Variants in MLLT3 observed in about 807,000 individuals in gnomAD.
MLLT3 encodes MLLT3 super elongation complex subunit.
MLLT3 carries 4 observed loss-of-function variants against 53.2 expected under a neutral mutation model. The ratio of observed to expected loss-of-function variants is 0.08; its 90% CI spans 0.04 to 0.17. The LOEUF (loss-of-function observed/expected upper bound fraction) is 0.17, where lower values mean the gene tolerates loss of function less well. MLLT3 is among the 10% of genes least tolerant of loss of function. The probability of loss-of-function intolerance (pLI) is 1.00; values close to 1 mark genes in which losing one functional copy is unlikely to be tolerated. For missense variants in MLLT3, 569 were observed against 684.0 expected (o/e 0.83, Z 1.87); for synonymous variants, 283 against 230.6 (o/e 1.23, Z -2.06).
intron 4 of MLLT3, among the ~76,000 whole-genome samples, chr9:20,422,464 A>T (rs977879669): frequency 6.6e-6 from 1 of 152,238 alleles, no homozygotes; most frequent in Non-Finnish European, 1.5e-5. Context: ...GATCTGTAAA[A>T]TAACCAATAT....
chr9:20,413,045 A>T (rs569799285), intron 5 of MLLT3, among the ~76,000 whole-genome samples: 1 of 152,176 alleles, frequency 6.6e-6, no homozygotes, highest in Non-Finnish European at 1.5e-5. Flanking sequence ...ATTAGCAAAA[A>T]CTTGTAGTGA....
chr9:20,384,361 C>G (rs1380944238), intron 5 of MLLT3, among the ~76,000 whole-genome samples: 1 of 152,014 alleles, frequency 6.6e-6, no homozygotes, highest in Non-Finnish European at 1.5e-5. Context: ...AGCGTCTGGT[C>G]ATGTGGTATA....
intron 2 of MLLT3, among the ~76,000 whole-genome samples, chr9:20,539,981 G>T (rs1358597338): frequency 6.6e-6 from 1 of 152,146 alleles, no homozygotes; most frequent in Non-Finnish European, 1.5e-5. Flanking sequence ...ATTCCAAAAG[G>T]GAAAAAGTGC....
chr9:20,346,066 T>C lies in MLLT3; in HGVS notation c.*377A>G, dbSNP rs1457640744. On this transcript the variant is annotated 3_prime_UTR_variant, in exon 11 of 11. Coordinates refer to ENST00000380338, the MANE Select transcript of MLLT3 (RefSeq NM_004529.4). ...ATCAGTTATGTAATAAGGCAGTGTG[T>C]TGAATATGCATTCGTCCTGTGGAAT... The C allele has an allele frequency of 3.9e-6, 1 of 254,636 alleles. No individual in the cohort carries two copies. Among genetic ancestry groups the C allele is most frequent in the Non-Finnish European group, 7.7e-6 (1 of 130,392 alleles). 15.8% of individuals were successfully genotyped at this position (254,636 alleles called of 1,614,324 possible). A position where few individuals can be genotyped will look rare whatever the true frequency, so the allele number is the denominator to read the frequency against.
chr9:20,583,189 C>T (rs1819847152), intron 2 of MLLT3, among the ~76,000 whole-genome samples: 2 of 152,104 alleles, frequency 1.3e-5, no homozygotes, highest in Admixed American at 1.3e-4. Flanking sequence ...AATTTTAAAG[C>T]TCCAAAATGA....
At chr9:20,611,793 C>G (rs1238641293) in intron 2 of MLLT3, among the ~76,000 whole-genome samples, 1 of 152,080 alleles carries the variant, frequency 6.6e-6, no homozygotes, top group Non-Finnish European at 1.5e-5. Context: ...CCACTGCAAA[C>G]TTACCACACT....
rs141887109 is a variant in MLLT3, at chr9:20,480,728, C to T, written c.194-23942G>A. On this transcript the variant is annotated intron_variant, in intron 2 of 10. Transcript: ENST00000380338. ...ATAGAGCACTAATGCACTGACTCAC[C>T]GAACAAACCTTTGTACACTTTTGGA... Among the ~76,000 whole-genome samples the T allele has an allele frequency of 1.1e-3, 169 of 152,210 alleles. 1 individual carries two copies. The South Asian group carries it at 0.017, about 15-fold the overall frequency.
At chr9:20,567,431 C>A (rs564130591) in intron 2 of MLLT3, among the ~76,000 whole-genome samples, 2 of 151,862 alleles carry the variant, frequency 1.3e-5, no homozygotes, top group African/African-American at 4.8e-5. Flanking sequence ...AAGCCACCAA[C>A]TGATAGCCAC....
chr9:20,546,987 T>G (rs187206125), intron 2 of MLLT3, among the ~76,000 whole-genome samples: 2 of 152,192 alleles, frequency 1.3e-5, no homozygotes, highest in African/African-American at 4.8e-5. Context: ...CTTCCCCGTA[T>G]ATAAGGCCCA....
At chr9:20,460,293 T>A (rs533950921) in intron 2 of MLLT3, among the ~76,000 whole-genome samples, 2 of 152,308 alleles carry the variant, frequency 1.3e-5, no homozygotes, top group South Asian at 2.1e-4. Context: ...TTAAGCTCTA[T>A]GTCATAAAAG....
chr9:20,469,894 T>C (rs1316627891), intron 2 of MLLT3, among the ~76,000 whole-genome samples: 1 of 152,046 alleles, frequency 6.6e-6, no homozygotes, highest in Non-Finnish European at 1.5e-5. Flanking sequence ...CAACACAGAT[T>C]AAAATCTTGC....
intron 8 of MLLT3, among the ~76,000 whole-genome samples, chr9:20,359,856 A>G (rs1197778225): frequency 6.6e-6 from 1 of 152,230 alleles, no homozygotes; most frequent in Non-Finnish European, 1.5e-5. Context: ...TGTCGACACA[A>G]AAAGATAAGA....
At chr9:20,586,727 G>A (rs1369113115) in intron 2 of MLLT3, among the ~76,000 whole-genome samples, 8 of 151,396 alleles carry the variant, frequency 5.3e-5, no homozygotes, top group African/African-American at 1.7e-4. Context: ...GGAATGAAGG[G>A]AAAAAAAGTA....
intron 2 of MLLT3, among the ~76,000 whole-genome samples, chr9:20,558,623 G>A (rs1013602040): frequency 2.0e-5 from 3 of 152,164 alleles, no homozygotes; most frequent in Non-Finnish European, 2.9e-5. Context: ...GTGAAATACA[G>A]ATTCCTGGAC....
intron 8 of MLLT3, among the ~76,000 whole-genome samples, chr9:20,355,238 G>T (rs1821142936): frequency 6.6e-6 from 1 of 152,020 alleles, no homozygotes; most frequent in South Asian, 2.1e-4. Context: ...CCTCTGGCAA[G>T]AATTTTTTTC....
chr9:20,371,995 T>C (rs192187122), intron 5 of MLLT3, among the ~76,000 whole-genome samples: 77 of 152,330 alleles, frequency 5.1e-4, no homozygotes, highest in Non-Finnish European at 7.8e-4. Flanking sequence ...TCAACCTTCA[T>C]GGATGACTTC....
chr9:20,349,524 G>A (rs1297196599), intron 10 of MLLT3, among the ~76,000 whole-genome samples: 3 of 147,862 alleles, frequency 2.0e-5, no homozygotes, highest in South Asian at 2.2e-4. Context: ...CAGAAAGGCC[G>A]GCTTGAATTA....
At position 20,464,376 on chromosome 9, in the gene MLLT3, T is replaced by C. The variant is rs143229582; in HGVS notation, c.194-7590A>G. ...TGCCTGCTAAGTACAAGTTCTATTC[T>C]AGGGACTGTGGATAGAGCAATAAAC... On this transcript the variant is annotated intron_variant, in intron 2 of 10. Transcript: ENST00000380338. Among the ~76,000 whole-genome samples the C allele has an allele frequency of 2.6e-3, 403 of 152,194 alleles. 3 individuals are homozygous for C. The highest frequency in any genetic ancestry group is 9.0e-3 in the African/African-American group (373 of 41,552).
At chr9:20,467,650 C>T (rs764122618) in intron 2 of MLLT3, among the ~76,000 whole-genome samples, 1 of 152,104 alleles carries the variant, frequency 6.6e-6, no homozygotes. Flanking sequence ...AATAAAAAAT[C>T]GCTATTTTGA....
Sources: gnomAD v4.1 joint callset for allele counts (sites outside exome capture counted in the v4.1 genomes callset) on GRCh38, gnomAD v4.1.1 for gene constraint, MANE v1.5 for transcripts, NCBI Gene and HGNC (gene_info 2026-07-23, HGNC 2026-07-21) for gene names.